CIC: variants seen among roughly 807,000 people sequenced by gnomAD.
The protein encoded by CIC is capicua transcriptional repressor, also known as protein capicua homolog.
A neutral mutation model predicts 115.7 loss-of-function variants in CIC; 18 were observed. The ratio of observed to expected loss-of-function variants is 0.16; its 90% CI spans 0.11 to 0.23. CIC has a LOEUF of 0.23. Ranked by LOEUF, CIC falls within the 10% of genes least tolerant of loss-of-function variation. CIC has a pLI of 1.00. For synonymous variants in CIC, 1,076 were observed against 923.0 expected (o/e 1.17, Z -3.01); for missense variants, 2,000 against 2,159.3 (o/e 0.93, Z 1.46).
In CIC at chr19:42,292,722, C is replaced by T. The variant is rs373094277; in HGVS notation, c.6059C>T (p.Pro2020Leu). Residue 2020 changes from proline to leucine, a missense_variant, in exon 15 of 21, where the codon CCA becomes CTA. Coordinates refer to ENST00000681038, the MANE Select transcript of CIC (RefSeq NM_001386298.1). ...ACCTCCTCAGCACCCCTGGCCCAGC[C>T]ATCCCAGGCCCCCCCAAGCCTGGTC... ...APTSSAPLAQ[P>L]SQAPPSLVYT... The T allele has an allele frequency of 8.7e-6, 14 of 1,613,760 alleles. No individual in the cohort carries two copies. Among genetic ancestry groups the T allele is most frequent in the Admixed American group, 5.0e-5 (3 of 59,996 alleles).
rs779776509 is a variant in CIC at position 42,291,343 on chromosome 19, A to G, written c.5302A>G (p.Thr1768Ala). The G allele has an allele frequency of 3.2e-5, 51 of 1,612,560 alleles. No homozygotes were observed. Among genetic ancestry groups the G allele is most frequent in the Non-Finnish European group, 4.2e-5 (50 of 1,179,916 alleles). The change falls in exon 11 of 21, where the codon ACC becomes GCC. Residue 1768 changes from threonine (T) to alanine (A), a missense_variant. Around this residue, in one of 8 missense-constraint regions of CIC, gnomAD observed 1,466 missense variants for 1,390.4 expected, o/e 1.05. Coordinates refer to ENST00000681038, the MANE Select transcript of CIC (RefSeq NM_001386298.1). ...KAAAPSGPAP[T>A]TSIRFTLPPG... ...AGCGGCTCCCAGCGGCCCTGCACCCACCACCAGCATCCGTTTCACCCTCCC... is the reference window on the plus strand; with the variant it reads ...AGCGGCTCCCAGCGGCCCTGCACCCGCCACCAGCATCCGTTTCACCCTCCC...
chr19:42,290,775 C>T lies in CIC; in HGVS notation c.4734C>T (p.Ala1578=), dbSNP rs748341158. Residue 1578 remains alanine (A), a synonymous_variant, in exon 11 of 21, where the codon GCC becomes GCT. Coordinates refer to ENST00000681038, the MANE Select transcript of CIC (RefSeq NM_001386298.1). The stretch of plus-strand genomic sequence containing the variant: ...CAGCTCCCCTGTCCCGTCCTGCCGC[C>T]ACCATGGTCACCAATGTGGTGCGGC... ...APAAPLSRPA[A]TMVTNVVRPV... is the part of the protein sequence containing the mutation. 2 of 1,611,806 alleles carry T rather than the reference C, an allele frequency of 1.2e-6. No homozygotes were observed. Among genetic ancestry groups the T allele is most frequent in the Non-Finnish European group, 1.7e-6 (2 of 1,179,376 alleles).
rs2038212806 is a variant in CIC at position 42,292,557 on chromosome 19, G to A, written c.5903-9G>A. The A allele has an allele frequency of 6.2e-7, 1 of 1,612,852 alleles. No individual in the cohort carries two copies. Among genetic ancestry groups the A allele is most frequent in the Non-Finnish European group, 8.5e-7 (1 of 1,179,822 alleles). On this transcript the variant is annotated splice_polypyrimidine_tract_variant and intron_variant, in intron 14 of 20. Coordinates refer to ENST00000681038, the MANE Select transcript of CIC (RefSeq NM_001386298.1). ...CTTGGTCTCCTGCTTCTTCTTCTCT[G>A]TCTTTCAGCAGGCCAAGCCCCACTG...
In CIC at chr19:42,292,261, G is replaced by A. The variant is rs372286082; in HGVS notation, c.5736-39G>A. On this transcript the variant is annotated intron_variant, in intron 13 of 20. Transcript: ENST00000681038. ...GCCAGGGAAGGGGTGGGGCGGGGCC[G>A]GCTTACCTCACTCCTCCCCATTTCC... 2.4e-5 allele frequency: 39 copies of A among 1,613,540 alleles called. 1 individual carries two copies. In the African/African-American group the frequency reaches 3.7e-4, roughly 15 times the overall value.
Position 42,273,429 on chromosome 19 carries a change from T to C in CIC, c.1646T>C (p.Val549Ala), listed in dbSNP as rs2036856006. 1 of 398,186 alleles carries C rather than the reference T, an allele frequency of 2.5e-6. No individual in the cohort carries two copies. The highest frequency in any genetic ancestry group is 4.4e-6 in the Non-Finnish European group (1 of 225,932). 24.7% of individuals were successfully genotyped at this position (398,186 alleles called of 1,614,324 possible). The change falls in exon 2 of 21, where the codon GTG (valine) becomes GCG (alanine). Residue 549 changes from valine (V) to alanine (A), a missense_variant. Coordinates refer to ENST00000681038, the MANE Select transcript of CIC (RefSeq NM_001386298.1). ...GGCGGGGCGGGCCGGCCCGCGGCCG[T>C]GGCAGCCCGTGAGGGCAGCACGGAG... ...GPGGAGRPAAVAAREGSTEFD... is the reference protein window; with the variant it reads ...GPGGAGRPAAAAAREGSTEFD...
In CIC at chr19:42,270,312, G is replaced by A. The variant is rs746434447; in HGVS notation, c.-11+931G>A. ...AGGCCTGGGACTCCAGGGTCCACAG[G>A]AGGAGCAGGCCCCTAGTGAGAGAGC... On this transcript the variant is annotated intron_variant, in intron 1 of 20. Transcript: ENST00000681038. This position sits in a 1 kb window ranked among gnomAD's most constrained non-coding sequence, Gnocchi z 4.1. Among the ~76,000 whole-genome samples, 2 of 152,200 alleles carry A rather than the reference G, an allele frequency of 1.3e-5. No homozygotes were observed. The highest frequency in any genetic ancestry group is 2.9e-5 in the Non-Finnish European group (2 of 68,024).
chr19:42,278,801 C>G (rs1441748135), intron 2 of CIC, among the ~76,000 whole-genome samples: 1 of 152,216 alleles, frequency 6.6e-6, no homozygotes, highest in Non-Finnish European at 1.5e-5. Flanking sequence ...CCCCCTCATG[C>G]TCTTTGACAA....
chr19:42,293,496 T>A lies in CIC; in HGVS notation c.6523-96T>A. On this transcript the variant is annotated intron_variant, in intron 16 of 20. Transcript: ENST00000681038. ...GCCGTGTGACAGCCTTCTCAAGGGG[T>A]CTGCTGGGCGGGCTCAGATCCAACT... The A allele has an allele frequency of 1.9e-6, 3 of 1,589,898 alleles. No individual in the cohort carries two copies. In the Admixed American group the frequency reaches 5.1e-5, roughly 27 times the overall value.
In CIC at chr19:42,286,788, C is replaced by A; in HGVS notation, c.2812C>A (p.Pro938Thr). 2 of 1,614,036 alleles carry A rather than the reference C, an allele frequency of 1.2e-6. No homozygotes were observed. The highest frequency in any genetic ancestry group is 1.7e-6 in the Non-Finnish European group (2 of 1,179,980). The stretch of plus-strand genomic sequence containing the variant: ...TTCCACAGTGTGGACGAATGTGGAA[C>A]CTCGCTCTGTGGCTGTGTTCCCTTG... ...RPGTVWTNVE[P>T]RSVAVFPWHS... The change falls in exon 3 of 21, where the codon CCT becomes ACT. Residue 938 changes from proline to threonine, a missense_variant. Coordinates refer to ENST00000681038, the MANE Select transcript of CIC (RefSeq NM_001386298.1).
intron 2 of CIC, among the ~76,000 whole-genome samples, chr19:42,286,399 C>T (rs1272372277): frequency 6.6e-6 from 1 of 151,688 alleles, no homozygotes; most frequent in Non-Finnish European, 1.5e-5. Context: ...GGGTGGGGGT[C>T]CCAGCCCGTA....
At position 42,289,955 on chromosome 19, in the gene CIC, A is replaced by AG. The variant is rs1388421604; in HGVS notation, c.4191+7dup. 1.9e-6 allele frequency: 3 copies of AG among 1,598,074 alleles called. No homozygotes were observed. Among genetic ancestry groups the AG allele is most frequent in the Non-Finnish European group, 2.6e-6 (3 of 1,171,382 alleles). The stretch of plus-strand genomic sequence containing the variant: ...GGAGGACCCAGAGGGCAACAAGGTG[A>AG]GGGCTTGGGTCACGGTGCTGTCCCA... On this transcript the variant is annotated splice_donor_region_variant and intron_variant, in intron 10 of 20. Transcript: ENST00000681038.
Position 42,287,860 on chromosome 19 carries a change from G to T in CIC, c.3543G>T (p.Lys1181Asn). Residue 1181 changes from lysine (K) to asparagine (N), a missense_variant, in exon 7 of 21, where the codon AAG becomes AAT. Around this residue, in one of 8 missense-constraint regions of CIC, gnomAD observed 38 missense variants for 50.3 expected, o/e 0.76. Transcript: ENST00000681038. The surrounding 1 kb of genome is among the most constrained non-coding windows in gnomAD (Gnocchi z 8.7). ...KAHPDWKWCN[K>N]DRKKSSSEAK... is the part of the protein sequence containing the mutation. The stretch of plus-strand genomic sequence containing the variant: ...ACCCAGATTGGAAGTGGTGCAACAA[G>T]GACCGAAAGAAGTCCAGCTCAGAGG... 6.2e-7 allele frequency: 1 copy of T among 1,613,234 alleles called. No individual in the cohort carries two copies. Among genetic ancestry groups the T allele is most frequent in the Non-Finnish European group, 8.5e-7 (1 of 1,179,604 alleles).
Position 42,271,812 on chromosome 19 carries a change from G to A in CIC, c.29G>A (p.Gly10Asp). 1 of 398,808 alleles carries A rather than the reference G, an allele frequency of 2.5e-6. No individual in the cohort carries two copies. Among genetic ancestry groups the A allele is most frequent in the Non-Finnish European group, 4.4e-6 (1 of 226,168 alleles). The allele number at this position is 398,808 out of a possible 1,614,324, so 24.7% of individuals were successfully genotyped here. Reference protein sequence around the residue: MKPMKKACTGLSGPGSGSKS... With the variant: MKPMKKACTDLSGPGSGSKS... ...AAGCCAATGAAGAAGGCATGCACTG[G>A]CCTTTCAGGTCCTGGCAGTGGCAGC... Residue 10 changes from glycine (G) to aspartate (D), a missense_variant, in exon 2 of 21, where the codon GGC (glycine) becomes GAC (aspartate). Gly to Asp is a moderately conservative substitution (Grantham distance 94). This residue lies in a region of CIC where 222 missense variants were observed against 247.7 expected (regional missense o/e 0.90). Transcript: ENST00000681038.
In CIC at chr19:42,294,978, G is replaced by A. The variant is rs144544276; in HGVS notation, c.7341G>A (p.Pro2447=). Residue 2447 remains proline, a synonymous_variant, in exon 21 of 21, where the codon CCG becomes CCA. Transcript: ENST00000681038. Reference sequence around the variant, plus strand: ...GAGCTGAGGCTCCTCTCCCTGTACCGCCCCCCACTGGCACCGCTGCTGCCC... The same window carrying A: ...GAGCTGAGGCTCCTCTCCCTGTACCACCCCCCACTGGCACCGCTGCTGCCC... The part of the protein sequence containing the change: ...PPGAEAPLPV[P]PPTGTAAAPA... 3.9e-5 allele frequency: 62 copies of A among 1,597,330 alleles called. No homozygotes were observed. In the African/African-American group the frequency reaches 6.2e-4, roughly 16 times the overall value.
At chr19:42,291,948 G>A in intron 12 of CIC, 138 bp from the exon 13 acceptor site, 1 of 1,380,612 alleles carries the variant, frequency 7.2e-7, no homozygotes, top group South Asian at 1.2e-5. Context: ...ACCTCTCACT[G>A]TCATCTTGCC....
chr19:42,289,713 T>C (rs1309220581), intron 9 of CIC, 135 bp from the exon 10 acceptor site: 1 of 831,216 alleles, frequency 1.2e-6, no homozygotes, highest in Non-Finnish European at 2.0e-6. Flanking sequence ...GGCACAGCCC[T>C]GGGCTGAGGA....
Position 42,292,395 on chromosome 19 carries a change from C to G in CIC, c.5831C>G (p.Thr1944Arg). The G allele has an allele frequency of 6.2e-7, 1 of 1,612,680 alleles. No homozygotes were observed. The highest frequency in any genetic ancestry group is 1.1e-5 in the South Asian group (1 of 91,080). Residue 1944 changes from threonine to arginine, a missense_variant, in exon 14 of 21, where the codon ACG (threonine) becomes AGG (arginine). Physicochemically the swap from Thr to Arg is moderately conservative, Grantham distance 71. This residue lies in a region of CIC where 1,466 missense variants were observed against 1,390.4 expected (regional missense o/e 1.05). Coordinates refer to ENST00000681038, the MANE Select transcript of CIC (RefSeq NM_001386298.1). The stretch of plus-strand genomic sequence containing the variant: ...GGAACAGTCACCTCGTACGGGCCCA[C>G]GAGCTCTGTAGCTCTAGGCTTCACC... ...QAGTVTSYGP[T>R]SSVALGFTSL...
Position 42,293,703 on chromosome 19 carries a change from C to T in CIC, c.6634C>T (p.Pro2212Ser). Residue 2212 changes from proline (P) to serine (S), a missense_variant, in exon 17 of 21, where the codon CCT becomes TCT. Pro to Ser is a moderately conservative substitution (Grantham distance 74). Transcript: ENST00000681038. ...PSPAPAPAVA[P>S]GGSSESSSGR... is the part of the protein sequence containing the mutation. ...CCCGGCCCCAGCTCCAGCTGTAGCC[C>T]CTGGTGGCAGCAGCGAGAGCAGCAG... The T allele has an allele frequency of 6.2e-7, 1 of 1,612,892 alleles. No homozygotes were observed. Among genetic ancestry groups the T allele is most frequent in the South Asian group, 1.1e-5 (1 of 91,072 alleles).
chr19:42,287,448 A>G lies in CIC; in HGVS notation c.3308A>G (p.Lys1103Arg). The change falls in exon 5 of 21, where the codon AAG (lysine) becomes AGG (arginine). Residue 1103 changes from lysine (K) to arginine (R), a missense_variant and splice_region_variant. Lys to Arg is a conservative substitution (Grantham distance 26, BLOSUM62 2). Transcript: ENST00000681038. The surrounding 1 kb of genome is among the most constrained non-coding windows in gnomAD (Gnocchi z 8.7). ...GAGAAGGATGGACGCAGCCCCAACA[A>G]GGTACTTTATCCCTGCCTGTCCTGT... is the stretch of plus-strand genomic sequence containing the variant. ...SSEKDGRSPN[K>R]REKDHIRRPM... The G allele has an allele frequency of 1.2e-6, 2 of 1,613,306 alleles. No homozygotes were observed. The highest frequency in any genetic ancestry group is 1.7e-5 in the Admixed American group (1 of 60,032).
Sources: allele counts gnomAD v4.1 joint callset (sites outside exome capture counted in the v4.1 genomes callset), GRCh38; gene constraint gnomAD v4.1.1; regional missense constraint gnomAD v4.1.1; non-coding constraint Gnocchi (gnomAD v3.1); transcripts MANE v1.5; gene names NCBI Gene and HGNC (gene_info 2026-07-23, HGNC 2026-07-21).